Variants in THADA observed in about 807,000 individuals in gnomAD.
THADA encodes the protein tRNA (32-2'-O)-methyltransferase regulator THADA.
THADA carries 213 observed loss-of-function variants against 219.8 expected under a neutral mutation model. The observed-to-expected ratio is 0.97, with a 90% CI of 0.87 to 1.09. THADA has a LOEUF of 1.09. THADA is among the 50% of genes least tolerant of loss of function. The pLI is 0.00. For missense variants in THADA, 2,956 were observed against 2,311.3 expected (o/e 1.28, Z -5.72); for synonymous variants, 1,018 against 828.9 (o/e 1.23, Z -3.92).
At chr2:43,332,572 C>T (rs1056743649) in intron 30 of THADA, among the ~76,000 whole-genome samples, 3 of 152,122 alleles carry the variant, frequency 2.0e-5, no homozygotes, top group Admixed American at 2.0e-4. Flanking sequence ...ATGAAGGTAA[C>T]AAAGGTGTTA....
chr2:43,474,926 C>T (rs1008154195), intron 26 of THADA, among the ~76,000 whole-genome samples: 3 of 152,116 alleles, frequency 2.0e-5, no homozygotes, highest in African/African-American at 7.2e-5. Flanking sequence ...CTGACCCAGA[C>T]CGCCTCATGG....
rs1698748681 is a variant in THADA, at chr2:43,566,824, T to TTA, written c.2188-4_2188-3insTA. On this transcript the variant is annotated splice_region_variant and splice_polypyrimidine_tract_variant and intron_variant, in intron 14 of 37. Transcript: ENST00000405975. ...TTACAAATGGATGACATGAAATTCT[T>TTA]AAAAAAAAAAAAAAAATTACAGTAA... 4 of 1,204,702 alleles carry TTA rather than the reference T, an allele frequency of 3.3e-6. No homozygotes were observed. The African/African-American group carries it at 6.5e-5, about 20-fold the overall frequency. 74.6% of individuals were successfully genotyped at this position (1,204,702 alleles called of 1,614,324 possible). A position where few individuals can be genotyped will look rare whatever the true frequency, so the allele number is the denominator to read the frequency against.
chr2:43,339,883 C>G (rs1666884502), intron 30 of THADA, among the ~76,000 whole-genome samples: 1 of 151,908 alleles, frequency 6.6e-6, no homozygotes, highest in Non-Finnish European at 1.5e-5. Context: ...TGCTTGAGCC[C>G]AGGAGTTCAA....
intron 36 of THADA, among the ~76,000 whole-genome samples, chr2:43,268,371 C>T (rs1034954579): frequency 6.6e-6 from 1 of 152,132 alleles, no homozygotes; most frequent in Non-Finnish European, 1.5e-5. Flanking sequence ...CCCAACATGC[C>T]ATTCTATCTC....
chr2:43,454,355 C>T (rs193215909), intron 26 of THADA, among the ~76,000 whole-genome samples: 164 of 152,198 alleles, frequency 1.1e-3, no homozygotes, highest in African/African-American at 2.6e-3. Context: ...AATCCCAACA[C>T]TTTGGGAGGC....
In THADA at chr2:43,484,396, AG is replaced by A. The variant is rs546437741; in HGVS notation, c.3836+837del. The A allele has an allele frequency of 1.5e-3, 260 of 169,340 alleles. 2 individuals carry two copies. The highest frequency in any genetic ancestry group is 0.012 in the Middle Eastern group (24 of 1,924). The allele number at this position is 169,340 out of a possible 1,614,324, so 10.5% of individuals were successfully genotyped here. A position where few individuals can be genotyped will look rare whatever the true frequency, so the allele number is the denominator to read the frequency against. On this transcript the variant is annotated intron_variant, in intron 26 of 37. Transcript: ENST00000405975. ...TGACTTTTTTAGGGAAGAAGGGAAT[AG>A]GGCTTTGAATATAACTCTAGATCCT...
intron 29 of THADA, among the ~76,000 whole-genome samples, chr2:43,395,387 T>C (rs1673903658): frequency 6.6e-6 from 1 of 152,232 alleles, no homozygotes; most frequent in East Asian, 1.9e-4. Context: ...TGAGCCACAA[T>C]GGTCCATCTT....
intron 28 of THADA, among the ~76,000 whole-genome samples, chr2:43,407,303 C>G (rs183367497): frequency 1.4e-3 from 215 of 152,130 alleles, no homozygotes; most frequent in African/African-American, 4.3e-3. Context: ...TTTTTTAAAC[C>G]CTATTATATA....
intron 21 of THADA, among the ~76,000 whole-genome samples, chr2:43,531,564 G>C (rs1005221918): frequency 1.3e-5 from 2 of 152,178 alleles, no homozygotes; most frequent in African/African-American, 4.8e-5. Flanking sequence ...ACACCAGGCT[G>C]ACAGCCTCCC....
At chr2:43,495,440 T>A (rs1688141035) in intron 25 of THADA, among the ~76,000 whole-genome samples, 1 of 152,158 alleles carries the variant, frequency 6.6e-6, no homozygotes, top group African/African-American at 2.4e-5. Flanking sequence ...TATGTATGCA[T>A]ACATGTACTA....
chr2:43,279,042 C>T (rs1339335216), intron 36 of THADA, among the ~76,000 whole-genome samples: 1 of 152,190 alleles, frequency 6.6e-6, no homozygotes, highest in African/African-American at 2.4e-5. Context: ...GGCCACTTGT[C>T]CAGAGGTGTG....
chr2:43,397,980 T>C lies in THADA; in HGVS notation c.4218A>G (p.Thr1406=). 6.2e-7 allele frequency: 1 copy of C among 1,613,888 alleles called. No homozygotes were observed. Among genetic ancestry groups the C allele is most frequent in the Non-Finnish European group, 8.5e-7 (1 of 1,179,788 alleles). The change falls in exon 29 of 38, where the codon ACA becomes ACG. Residue 1406 remains threonine (T), a synonymous_variant. Transcript: ENST00000405975. Reference sequence around the variant, plus strand: ...AAGCAACTTTACTTACCTGGAGAAGTGTCCCATGAATGTGGTTTTGCCGGA... The same window carrying C: ...AAGCAACTTTACTTACCTGGAGAAGCGTCCCATGAATGTGGTTTTGCCGGA... The part of the protein sequence containing the change: ...QCFRQNHIHG[T]LLQVFHLLQA...
At chr2:43,550,007 C>G (rs914764323) in intron 19 of THADA, among the ~76,000 whole-genome samples, 1 of 152,260 alleles carries the variant, frequency 6.6e-6, no homozygotes, top group African/African-American at 2.4e-5. Flanking sequence ...GATTTACAGT[C>G]TTCATATTAC....
At chr2:43,257,820 G>A (rs751288354) in intron 36 of THADA, among the ~76,000 whole-genome samples, 28 of 152,262 alleles carry the variant, frequency 1.8e-4, no homozygotes, top group Admixed American at 8.5e-4. Context: ...TACGTGTTAC[G>A]GATCAGTGAG....
intron 36 of THADA, among the ~76,000 whole-genome samples, chr2:43,241,190 G>A (rs1304512232): frequency 6.6e-6 from 1 of 152,072 alleles, no homozygotes; most frequent in Non-Finnish European, 1.5e-5. Context: ...CCAGGCTCAA[G>A]TGGTCCTCCC....
At chr2:43,588,184 G>T (rs145346995) in intron 4 of THADA, among the ~76,000 whole-genome samples, 1 of 151,576 alleles carries the variant, frequency 6.6e-6, no homozygotes, top group Non-Finnish European at 1.5e-5. Flanking sequence ...AAAGATGGAC[G>T]ATTCAACAGT....
intron 36 of THADA, among the ~76,000 whole-genome samples, chr2:43,240,903 C>T (rs1251660653): frequency 2.0e-5 from 3 of 152,188 alleles, no homozygotes; most frequent in Middle Eastern, 3.2e-3. Context: ...GCCCTAGTCC[C>T]AGCATGCACT....
At chr2:43,445,197 C>T (rs965598714) in intron 26 of THADA, among the ~76,000 whole-genome samples, 2 of 152,148 alleles carry the variant, frequency 1.3e-5, no homozygotes, top group Non-Finnish European at 2.9e-5. Flanking sequence ...CCCCCCATCC[C>T]CCGCAAAGGA....
chr2:43,541,316 C>A lies in THADA; in HGVS notation c.3107G>T (p.Gly1036Val), dbSNP rs189409390. The A allele has an allele frequency of 5.0e-6, 8 of 1,612,036 alleles. No individual in the cohort carries two copies. The highest frequency in any genetic ancestry group is 3.3e-5 in the South Asian group (3 of 90,744). ...TACATCACATGTTTTTACTTCTTTA[C>A]CTTAAACAAAAAAAAACACAACGAT... ...VNIDTSTEIK[G>V]KEVKTCDVTA... The change falls in exon 21 of 38, where the codon GGT becomes GTT. Residue 1036 changes from glycine (G) to valine (V), a missense_variant and splice_region_variant. Gly to Val is a moderately radical substitution (Grantham distance 109). Transcript: ENST00000405975.
Sources: gnomAD v4.1 joint callset for allele counts (sites outside exome capture counted in the v4.1 genomes callset) on GRCh38, gnomAD v4.1.1 for gene constraint, MANE v1.5 for transcripts, NCBI Gene and HGNC (gene_info 2026-07-23, HGNC 2026-07-21) for gene names.